The following MYO3B variants were observed in gnomAD, a reference collection of about 807,000 sequenced individuals.
MYO3B encodes myosin IIIB.
In MYO3B, 156 loss-of-function variants were observed where a neutral mutation model predicts 174.6. That is an observed-to-expected ratio of 0.89 (90% CI 0.78 to 1.02). MYO3B has a LOEUF of 1.02. Among genes scored for constraint, MYO3B ranks in the 50% least tolerant of loss-of-function variants. The pLI, the probability that MYO3B is intolerant of heterozygous loss-of-function variation, is 0.00. For synonymous variants in MYO3B, 563 were observed against 569.1 expected, an observed-to-expected ratio of 0.99 and a Z score of 0.15; for missense variants, 1,632 against 1,639.4, an observed-to-expected ratio of 1.00 and a Z score of 0.08.
intron 7 of MYO3B, among the ~76,000 whole-genome samples, chr2:170,280,347 T>C (rs367879700): frequency 6.6e-6 from 1 of 152,140 alleles, no homozygotes; most frequent in South Asian, 2.1e-4. Flanking sequence ...AAATTTCTTA[T>C]AGATGCTACA....
At chr2:170,411,613 G>A (rs1288819023) in intron 22 of MYO3B, 1 of 152,192 alleles carries the variant, frequency 6.6e-6, no homozygotes, top group African/African-American at 2.4e-5. Flanking sequence ...TTCTTATCAA[G>A]GTTGAGAGGA....
At chr2:170,281,144 G>T (rs758357470) in intron 7 of MYO3B, among the ~76,000 whole-genome samples, 24 of 151,992 alleles carry the variant, frequency 1.6e-4, no homozygotes, top group Non-Finnish European at 3.1e-4. Flanking sequence ...TGTCTTCTCT[G>T]ATTTCTTTGA....
chr2:170,488,983 T>A (rs1686255480), intron 25 of MYO3B, among the ~76,000 whole-genome samples: 1 of 152,224 alleles, frequency 6.6e-6, no homozygotes, highest in African/African-American at 2.4e-5. Flanking sequence ...AAGCCTGATA[T>A]TCCAGATACC....
chr2:170,592,056 A>G (rs1400390098), intron 32 of MYO3B, among the ~76,000 whole-genome samples: 1 of 152,176 alleles, frequency 6.6e-6, no homozygotes, highest in Non-Finnish European at 1.5e-5. Flanking sequence ...ATTCCCACCT[A>G]CAATGTGGAA....
intron 32 of MYO3B, among the ~76,000 whole-genome samples, chr2:170,579,615 C>A (rs1693000498): frequency 6.6e-6 from 1 of 152,218 alleles, no homozygotes; most frequent in Non-Finnish European, 1.5e-5. Context: ...CTGGGCCAGT[C>A]ACTCCTACCA....
At chr2:170,514,899 G>A in intron 28 of MYO3B, 22 bp from the exon 29 acceptor site, 1 of 1,607,108 alleles carries the variant, frequency 6.2e-7, no homozygotes, top group Non-Finnish European at 8.5e-7. Flanking sequence ...CCTTGAGAAA[G>A]TCTTTTTGTT....
chr2:170,551,315 A>C, intron 32 of MYO3B, among the ~76,000 whole-genome samples: 1 of 138,618 alleles, frequency 7.2e-6, no homozygotes, highest in East Asian at 2.0e-4. Flanking sequence ...CCAGATCTGA[A>C]TGTTTTCATA....
At chr2:170,597,285 C>T (rs1194446620) in intron 32 of MYO3B, among the ~76,000 whole-genome samples, 2 of 151,162 alleles carry the variant, frequency 1.3e-5, no homozygotes, top group Non-Finnish European at 2.9e-5. Context: ...GCAGGAGAAT[C>T]GCTTGAGCCC....
At position 170,280,823 on chromosome 2, in the gene MYO3B, C is replaced by G. The variant is rs148280215; in HGVS notation, c.749+44687C>G. On this transcript the variant is annotated intron_variant, in intron 7 of 34. Transcript: ENST00000408978. ...TTATTTCTGGGCTCTCCATTCTGTT[C>G]CATTGGTCTGTGTACCTGTTTTTGT... Among the ~76,000 whole-genome samples, 38 of 152,110 alleles carry G rather than the reference C, an allele frequency of 2.5e-4. 1 individual carries two copies. In the East Asian group the frequency reaches 6.8e-3, roughly 27 times the overall value.
chr2:170,187,323 C>A (rs1380550399), intron 1 of MYO3B, among the ~76,000 whole-genome samples: 1 of 152,046 alleles, frequency 6.6e-6, no homozygotes, highest in Non-Finnish European at 1.5e-5. Flanking sequence ...ACCTCTGCCT[C>A]CTGGGTTCAA....
Position 170,543,989 on chromosome 2 carries a change from G to A in MYO3B, c.3733+1G>A, listed in dbSNP as rs991436687. ...CTCTGGGGAGCCCCTCAAAAGCCTGGTAAGAAGAACGTTTTGAATTGCATG... is the reference window on the plus strand; with the variant it reads ...CTCTGGGGAGCCCCTCAAAAGCCTGATAAGAAGAACGTTTTGAATTGCATG... On this transcript the variant is annotated splice_donor_variant, in intron 32 of 34. Coordinates refer to ENST00000408978, the MANE Select transcript of MYO3B (RefSeq NM_138995.5). LOFTEE classifies it high-confidence loss of function. The A allele has an allele frequency of 1.2e-6, 2 of 1,609,578 alleles. No homozygotes were observed. Among genetic ancestry groups the A allele is most frequent in the African/African-American group, 1.3e-5 (1 of 74,834 alleles).
intron 25 of MYO3B, among the ~76,000 whole-genome samples, chr2:170,492,731 G>A (rs1277590045): frequency 6.6e-6 from 1 of 151,286 alleles, no homozygotes; most frequent in Non-Finnish European, 1.5e-5. Context: ...GCTTCCTCTG[G>A]GGGAAAGCCT....
At position 170,341,661 on chromosome 2, in the gene MYO3B, AC is replaced by A. The variant is rs111262540; in HGVS notation, c.815+6219del. ...CAAAATTAACACAAAAAATAAGTTA[AC>A]CCCCCCCAAATTATCCACTCCTCAC... On this transcript the variant is annotated intron_variant, in intron 8 of 34. Transcript: ENST00000408978. Among the ~76,000 whole-genome samples the A allele has an allele frequency of 4.9e-3, 734 of 150,636 alleles. 8 individuals are homozygous for A. The highest frequency in any genetic ancestry group is 0.017 in the African/African-American group (702 of 40,938).
At chr2:170,480,393 G>A (rs1372139099) in intron 25 of MYO3B, among the ~76,000 whole-genome samples, 1 of 152,144 alleles carries the variant, frequency 6.6e-6, no homozygotes, top group African/African-American at 2.4e-5. Flanking sequence ...CTGGAGGGTG[G>A]CACACCCAAG....
intron 14 of MYO3B, among the ~76,000 whole-genome samples, chr2:170,389,284 G>T (rs12998244): frequency 0.046 from 7,042 of 152,234 alleles, 214 homozygotes; most frequent in Non-Finnish European, 0.069. Flanking sequence ...TTCCTGTGTG[G>T]CTGGGTGTGG....
chr2:170,611,123 A>G (rs1417590290), intron 32 of MYO3B, among the ~76,000 whole-genome samples: 1 of 152,192 alleles, frequency 6.6e-6, no homozygotes, highest in Non-Finnish European at 1.5e-5. Flanking sequence ...CATCAGGACT[A>G]CAAACAAACC....
chr2:170,238,164 G>C (rs2093092336), intron 7 of MYO3B, among the ~76,000 whole-genome samples: 1 of 152,150 alleles, frequency 6.6e-6, no homozygotes, highest in African/African-American at 2.4e-5. Context: ...AAGGGTTATG[G>C]ATTGACCAAA....
At chr2:170,516,415 G>A (rs909697559) in intron 29 of MYO3B, among the ~76,000 whole-genome samples, 12 of 151,988 alleles carry the variant, frequency 7.9e-5, no homozygotes, top group Admixed American at 3.3e-4. Context: ...GCCGAGATGG[G>A]CAGATCACGA....
rs1686431711 is a variant in MYO3B at position 170,491,009 on chromosome 2, ACCAGCT to A, written c.3015-7582_3015-7577del. Reference sequence around the variant, plus strand: ...CCAATTTTATTAACTTTATCAGAAAACCAGCTTTTGGTTTCATCAGTTGCTTTCCTA... The same window carrying A: ...CCAATTTTATTAACTTTATCAGAAAATTTGGTTTCATCAGTTGCTTTCCTA... On this transcript the variant is annotated intron_variant, in intron 25 of 34. Transcript: ENST00000408978. Among the ~76,000 whole-genome samples the A allele has an allele frequency of 2.0e-5, 3 of 152,064 alleles. No homozygotes were observed. The South Asian group carries it at 6.3e-4, about 32-fold the overall frequency.
Sources: gnomAD v4.1 joint callset for allele counts (sites outside exome capture counted in the v4.1 genomes callset) on GRCh38, gnomAD v4.1.1 for gene constraint, MANE v1.5 for transcripts, NCBI Gene and HGNC (gene_info 2026-07-23, HGNC 2026-07-21) for gene names.